CTXND1: variants seen among roughly 807,000 people sequenced by gnomAD.
CTXND1 encodes the protein cortexin domain containing 1.
intron 1 of CTXND1, among the ~76,000 whole-genome samples, chr15:80,238,152 A>G (rs1893523785): frequency 2.6e-5 from 4 of 152,326 alleles, no homozygotes; most frequent in African/African-American, 9.6e-5. Context: ...TAAAGCCTAT[A>G]CTAGTACACG....
intron 1 of CTXND1, among the ~76,000 whole-genome samples, chr15:80,225,540 G>C (rs951699517): frequency 6.6e-6 from 1 of 151,912 alleles, no homozygotes; most frequent in Admixed American, 6.6e-5. Flanking sequence ...TCTCTCATAG[G>C]TTGTTACTTT....
chr15:80,210,503 A>G (rs1893193358), intron 1 of CTXND1, among the ~76,000 whole-genome samples: 2 of 151,818 alleles, frequency 1.3e-5, no homozygotes, highest in Non-Finnish European at 2.9e-5. Flanking sequence ...CCACATCTTG[A>G]CTCTGCTTCT....
chr15:80,218,798 C>G (rs1460567061), intron 1 of CTXND1, among the ~76,000 whole-genome samples: 1 of 152,104 alleles, frequency 6.6e-6, no homozygotes, highest in Non-Finnish European at 1.5e-5. Flanking sequence ...TGTATTTGAA[C>G]TAGATCCCAC....
In CTXND1 at chr15:80,201,749, A is replaced by G. The variant is rs2041450188; in HGVS notation, c.*21T>C. The G allele has an allele frequency of 2.5e-6, 1 of 398,694 alleles. No individual in the cohort carries two copies. The highest frequency in any genetic ancestry group is 2.1e-5 in the African/African-American group (1 of 48,636). The allele number at this position is 398,694 out of a possible 1,614,324, so 24.7% of individuals were successfully genotyped here. ...CAGCCACCCACAGAGCGCCAGGTCC[A>G]GTCCCCACAGCCGCTGTGCCTCAGT... On this transcript the variant is annotated 3_prime_UTR_variant, in exon 3 of 3. Transcript: ENST00000560778.
At chr15:80,251,691 C>A (rs1452303122) in intron 1 of CTXND1, among the ~76,000 whole-genome samples, 1 of 152,306 alleles carries the variant, frequency 6.6e-6, no homozygotes, top group East Asian at 1.9e-4. Flanking sequence ...GAGCCCCGAG[C>A]CCCGCAGTGG....
chr15:80,200,576 A>G lies in CTXND1; in HGVS notation c.*1194T>C, dbSNP rs899364703. 6.6e-6 allele frequency: 1 copy of G among 152,206 alleles called. No individual in the cohort carries two copies. The highest frequency in any genetic ancestry group is 1.5e-5 in the Non-Finnish European group (1 of 68,044). The allele number at this position is 152,206 out of a possible 1,614,324, so 9.4% of individuals were successfully genotyped here. A position where few individuals can be genotyped will look rare whatever the true frequency, so the allele number is the denominator to read the frequency against. ...TGCCCCCCAACTCCGACTATAGCAC[A>G]TTCATAGTATATTCACTCCCCTTTC... On this transcript the variant is annotated 3_prime_UTR_variant, in exon 3 of 3. Coordinates refer to ENST00000560778, the MANE Select transcript of CTXND1 (RefSeq NM_001352888.2).
intron 1 of CTXND1, among the ~76,000 whole-genome samples, chr15:80,235,497 G>A (rs988137473): frequency 2.0e-5 from 3 of 152,198 alleles, no homozygotes; most frequent in African/African-American, 7.2e-5. Flanking sequence ...TGTGGGCTTG[G>A]TTGACAGGGA....
intron 1 of CTXND1, 115 bp from the exon 2 acceptor site, chr15:80,203,855 T>C (rs955609989): frequency 6.6e-6 from 1 of 151,964 alleles, no homozygotes; most frequent in Admixed American, 6.6e-5. Context: ...GCTGCCACAC[T>C]CTGTTACTTG....
intron 1 of CTXND1, among the ~76,000 whole-genome samples, chr15:80,222,896 C>T (rs1320351190): frequency 1.3e-5 from 2 of 152,088 alleles, no homozygotes; most frequent in African/African-American, 2.4e-5. Flanking sequence ...CAAATAAACA[C>T]AAATACATAC....
chr15:80,205,284 T>G (rs1198283870), intron 1 of CTXND1, among the ~76,000 whole-genome samples: 2 of 152,240 alleles, frequency 1.3e-5, no homozygotes, highest in Non-Finnish European at 2.9e-5. Context: ...CTTTTGTTTT[T>G]CATGTATTGA....
rs35519515 is a variant in CTXND1 at position 80,216,603 on chromosome 15, T to TTTTATTTA, written c.-217-12871_-217-12864dup. 3.1e-4 allele frequency among the ~76,000 whole-genome samples: 47 copies of TTTTATTTA among 150,634 alleles called. 1 individual carries two copies. Among genetic ancestry groups the TTTTATTTA allele is most frequent in the South Asian group, 1.9e-3 (9 of 4,732 alleles). On this transcript the variant is annotated intron_variant, in intron 1 of 2. Transcript: ENST00000560778. Reference sequence around the variant, plus strand: ...GGAGATCATCCAGTCCCTTCCATTATTTTATTTATTTATTTATTTATTTTT... The same window carrying TTTTATTTA: ...GGAGATCATCCAGTCCCTTCCATTATTTTATTTATTTATTTATTTATTTATTTATTTTT...
At chr15:80,225,985 G>C (rs1893367321) in intron 1 of CTXND1, among the ~76,000 whole-genome samples, 1 of 152,168 alleles carries the variant, frequency 6.6e-6, no homozygotes, top group Non-Finnish European at 1.5e-5. Context: ...AGAGCTTAAG[G>C]GTCCATGGGC....
At chr15:80,250,960 C>T (rs2016477) in intron 1 of CTXND1, among the ~76,000 whole-genome samples, 111,502 of 152,020 alleles carry the variant, frequency 0.73, 41,245 homozygotes, top group East Asian at 0.95. Context: ...TCACTGGATA[C>T]ATATTTTATG....
intron 1 of CTXND1, among the ~76,000 whole-genome samples, chr15:80,239,366 T>A (rs1893539327): frequency 6.6e-6 from 1 of 152,238 alleles, no homozygotes; most frequent in African/African-American, 2.4e-5. Flanking sequence ...AAAGTATTGA[T>A]CCTAGGTGTG....
chr15:80,250,501 T>C (rs951401836), intron 1 of CTXND1, among the ~76,000 whole-genome samples: 3 of 152,226 alleles, frequency 2.0e-5, no homozygotes, highest in Non-Finnish European at 4.4e-5. Flanking sequence ...CATTCATTAC[T>C]TGCATGCCGT....
At chr15:80,243,150 G>A (rs1893589671) in intron 1 of CTXND1, among the ~76,000 whole-genome samples, 1 of 152,204 alleles carries the variant, frequency 6.6e-6, no homozygotes, top group South Asian at 2.1e-4. Flanking sequence ...ACAGATGCCA[G>A]TCAGTGCTGC....
At chr15:80,220,825 A>C (rs2142129902) in intron 1 of CTXND1, among the ~76,000 whole-genome samples, 1 of 151,616 alleles carries the variant, frequency 6.6e-6, no homozygotes, top group African/African-American at 2.4e-5. Flanking sequence ...GTTGGTATGG[A>C]AGAACAATAT....
At chr15:80,233,996 G>A (rs1345069921) in intron 1 of CTXND1, among the ~76,000 whole-genome samples, 1 of 152,144 alleles carries the variant, frequency 6.6e-6, no homozygotes, top group Non-Finnish European at 1.5e-5. Context: ...CATTAACAGA[G>A]GTAAAAAAGC....
chr15:80,235,794 T>C (rs1195282436), intron 1 of CTXND1, among the ~76,000 whole-genome samples: 2 of 151,872 alleles, frequency 1.3e-5, no homozygotes, highest in African/African-American at 4.8e-5. Context: ...GCTCTGCCCC[T>C]CACTGACTGG....
Sources: allele counts gnomAD v4.1 joint callset (sites outside exome capture counted in the v4.1 genomes callset), GRCh38; gene constraint gnomAD v4.1.1; transcripts MANE v1.5; gene names NCBI Gene and HGNC (gene_info 2026-07-23, HGNC 2026-07-21).